The following COL27A1 variants were observed in gnomAD, a reference collection of about 807,000 sequenced individuals.
COL27A1 encodes the protein collagen type XXVII alpha 1 chain.
In COL27A1, 106 loss-of-function variants were observed where a neutral mutation model predicts 251.3. The ratio of observed to expected loss-of-function variants is 0.42; its 90% CI spans 0.36 to 0.50. The LOEUF is 0.50. Among genes scored for constraint, COL27A1 ranks in the 20% least tolerant of loss-of-function variants. The probability of loss-of-function intolerance (pLI) is 0.00; values close to 1 mark genes in which losing one functional copy is unlikely to be tolerated. For missense variants in COL27A1, 2,325 were observed against 2,522.8 expected, an observed-to-expected ratio of 0.92 and a Z score of 1.68; for synonymous variants, 1,000 against 986.3, an observed-to-expected ratio of 1.01 and a Z score of -0.26.
At chr9:114,206,959 G>A (rs1012574873) in intron 10 of COL27A1, among the ~76,000 whole-genome samples, 7 of 152,230 alleles carry the variant, frequency 4.6e-5, no homozygotes, top group African/African-American at 1.7e-4. Flanking sequence ...ACCGAATGGG[G>A]TAAATGGAGT....
intron 15 of COL27A1, 125 bp downstream of exon 15, chr9:114,231,257 AG>A: frequency 1.1e-6 from 1 of 903,240 alleles, no homozygotes; most frequent in Non-Finnish European, 1.8e-6. Context: ...GGATGCTCAG[AG>A]GGGTGCTAGG....
rs1004293440 is a variant in COL27A1 at position 114,264,412 on chromosome 9, C to T, written c.3249+4C>T. On this transcript the variant is annotated splice_donor_region_variant and intron_variant, in intron 29 of 60. Coordinates refer to ENST00000356083, the MANE Select transcript of COL27A1 (RefSeq NM_032888.4). ...GCAAGGGTCCAGGGGCCTGAAGGTA[C>T]CGACCCCTAGGACCTGCCCTTCCTC... The T allele has an allele frequency of 4.4e-6, 7 of 1,575,720 alleles. No homozygotes were observed. Among genetic ancestry groups the T allele is most frequent in the Middle Eastern group, 3.3e-4 (2 of 5,986 alleles).
At chr9:114,234,995 C>T (rs1172354958) in intron 16 of COL27A1, among the ~76,000 whole-genome samples, 1 of 149,140 alleles carries the variant, frequency 6.7e-6, no homozygotes, top group African/African-American at 2.5e-5. Flanking sequence ...GAGAGAATCA[C>T]CTGAGTCCGG....
At chr9:114,305,741 G>A (rs1355436861) in intron 57 of COL27A1, among the ~76,000 whole-genome samples, 2 of 152,286 alleles carry the variant, frequency 1.3e-5, no homozygotes, top group East Asian at 3.9e-4. Flanking sequence ...GGCTAGCATC[G>A]CTCCACTTCC....
intron 7 of COL27A1, among the ~76,000 whole-genome samples, chr9:114,198,774 G>A (rs1829349270): frequency 6.6e-6 from 1 of 152,182 alleles, no homozygotes; most frequent in African/African-American, 2.4e-5. Context: ...CAGTTCCCAA[G>A]GTGGGGAAGA....
At chr9:114,218,090 G>T in intron 12 of COL27A1, 1 of 306,036 alleles carries the variant, frequency 3.3e-6, no homozygotes, top group Non-Finnish European at 6.4e-6. Context: ...CTGGATGACA[G>T]AGTGAGACCC....
chr9:114,199,928 C>T (rs1051002354), intron 7 of COL27A1, among the ~76,000 whole-genome samples: 3 of 152,340 alleles, frequency 2.0e-5, no homozygotes, highest in Admixed American at 1.3e-4. Context: ...ATGCATGGAA[C>T]AAAACTGCTA....
At chr9:114,189,242 G>T (rs1337296463) in intron 5 of COL27A1, among the ~76,000 whole-genome samples, 20 of 152,160 alleles carry the variant, frequency 1.3e-4, no homozygotes, top group African/African-American at 3.6e-4. Context: ...GTTAATGGGG[G>T]TGATGGAAAT....
chr9:114,280,015 A>C (rs1835805742), intron 37 of COL27A1, among the ~76,000 whole-genome samples: 1 of 152,178 alleles, frequency 6.6e-6, no homozygotes, highest in Non-Finnish European at 1.5e-5. Context: ...TTTTCATAGC[A>C]TACTCAATTC....
At chr9:114,171,243 C>T (rs573535821) in intron 3 of COL27A1, among the ~76,000 whole-genome samples, 18 of 152,238 alleles carry the variant, frequency 1.2e-4, no homozygotes, top group Middle Eastern at 3.4e-3. Flanking sequence ...GAGGAAATTG[C>T]GCTCAGAGAG....
intron 4 of COL27A1, among the ~76,000 whole-genome samples, chr9:114,179,093 C>A (rs536352254): frequency 6.6e-6 from 1 of 152,346 alleles, no homozygotes; most frequent in South Asian, 2.1e-4. Flanking sequence ...AGACCAACAG[C>A]ACCCGGCATC....
At chr9:114,234,565 C>T (rs1564503152) in intron 16 of COL27A1, among the ~76,000 whole-genome samples, 1 of 152,054 alleles carries the variant, frequency 6.6e-6, no homozygotes, top group Non-Finnish European at 1.5e-5. Flanking sequence ...GGAAGCAGCT[C>T]CCAATCTGGA....
intron 49 of COL27A1, among the ~76,000 whole-genome samples, chr9:114,298,509 T>G (rs1828401322): frequency 6.6e-6 from 1 of 152,240 alleles, no homozygotes; most frequent in Non-Finnish European, 1.5e-5. Flanking sequence ...ATGTCTGTTG[T>G]TTTTAGCAAG....
chr9:114,307,245 G>C (rs1362452107), intron 58 of COL27A1: 1 of 177,948 alleles, frequency 5.6e-6, no homozygotes, highest in Non-Finnish European at 1.2e-5. Context: ...GGGGAAGCTA[G>C]ATGTAAGCAG....
At chr9:114,285,273 C>A (rs1470745957) in intron 41 of COL27A1, among the ~76,000 whole-genome samples, 3 of 152,136 alleles carry the variant, frequency 2.0e-5, no homozygotes, top group Non-Finnish European at 4.4e-5. Flanking sequence ...ATTCCCCACG[C>A]CTTGGCTCAA....
intron 27 of COL27A1, among the ~76,000 whole-genome samples, chr9:114,258,188 A>G (rs185957347): frequency 6.6e-6 from 1 of 152,352 alleles, no homozygotes; most frequent in Admixed American, 6.5e-5. Flanking sequence ...ATAAATACAT[A>G]AATGAATGAA....
chr9:114,300,070 G>A lies in COL27A1; in HGVS notation c.4585G>A (p.Gly1529Ser), dbSNP rs1177658641. The A allele has an allele frequency of 6.2e-7, 1 of 1,614,140 alleles. No homozygotes were observed. The highest frequency in any genetic ancestry group is 1.1e-5 in the South Asian group (1 of 91,088). ...CCATCACTTCCTGTTCTTCCTGCAG[G>A]GCGACTCTGGCGAGATGGGCTTCCC... is the stretch of plus-strand genomic sequence containing the variant. ...QGEPGSKGQP[G>S]DSGEMGFPGM... The change falls in exon 50 of 61, where the codon GGC becomes AGC. Residue 1529 changes from glycine to serine, a missense_variant and splice_region_variant. Gly to Ser is a moderately conservative substitution (Grantham distance 56). Transcript: ENST00000356083.
chr9:114,269,334 G>T (rs758627886), intron 35 of COL27A1, 40 bp downstream of exon 35: 2 of 1,500,316 alleles, frequency 1.3e-6, no homozygotes, highest in African/African-American at 1.4e-5. Context: ...AGCCCCCAGG[G>T]TGTGTGGGTG....
Position 114,270,841 on chromosome 9 carries a change from A to T in COL27A1, c.3609+60A>T, listed in dbSNP as rs1835090224. 3.1e-6 allele frequency: 4 copies of T among 1,273,782 alleles called. No individual in the cohort carries two copies. The East Asian group carries it at 9.3e-5, about 30-fold the overall frequency. 78.9% of individuals were successfully genotyped at this position (1,273,782 alleles called of 1,614,324 possible). A position where few individuals can be genotyped will look rare whatever the true frequency, so the allele number is the denominator to read the frequency against. On this transcript the variant is annotated intron_variant, in intron 36 of 60. Coordinates refer to ENST00000356083, the MANE Select transcript of COL27A1 (RefSeq NM_032888.4). ...CGGCAGGGCATTGCTTTCCCATCCA[A>T]GACCTAAGTCTCCTCCCAGAAACAC...
Sources: allele counts gnomAD v4.1 joint callset (sites outside exome capture counted in the v4.1 genomes callset), GRCh38; gene constraint gnomAD v4.1.1; transcripts MANE v1.5; gene names NCBI Gene and HGNC (gene_info 2026-07-23, HGNC 2026-07-21).